The following ENTPD8 variants were observed in gnomAD, a reference collection of about 807,000 sequenced individuals.
The protein encoded by ENTPD8 is ectonucleoside triphosphate diphosphohydrolase 8.
ENTPD8 carries 35 observed loss-of-function variants against 47.0 expected under a neutral mutation model. The observed-to-expected ratio is 0.75, with a 90% CI of 0.57 to 0.99. The LOEUF is 0.99. Ranked by LOEUF, ENTPD8 falls within the 50% of genes least tolerant of loss-of-function variation. The pLI is 0.00. For missense variants in ENTPD8, 668 were observed against 649.9 expected (o/e 1.03, Z -0.30); for synonymous variants, 308 against 290.5 (o/e 1.06, Z -0.61).
Position 137,438,663 on chromosome 9 carries a change from C to T in ENTPD8, c.-20-358G>A, listed in dbSNP as rs945887107. Among the ~76,000 whole-genome samples the T allele has an allele frequency of 6.6e-6, 1 of 152,046 alleles. No individual in the cohort carries two copies. Among genetic ancestry groups the T allele is most frequent in the Non-Finnish European group, 1.5e-5 (1 of 67,952 alleles). The stretch of plus-strand genomic sequence containing the variant: ...AGACGGTCTCCCGTGGCCATAGAGG[C>T]ATCCCCGGGGCTCAGACGCCTCCCG... On this transcript the variant is annotated intron_variant, in intron 1 of 9. Coordinates refer to ENST00000371506, the MANE Select transcript of ENTPD8 (RefSeq NM_001033113.2). The surrounding 1 kb of genome is among the most constrained non-coding windows in gnomAD (Gnocchi z 5.7).
intron 1 of ENTPD8, among the ~76,000 whole-genome samples, chr9:137,439,917 AGTGCCCC>A (rs1839473788): frequency 1.1e-5 from 1 of 90,132 alleles, no homozygotes; most frequent in African/African-American, 4.6e-5. Flanking sequence ...AGACCAGGAC[AGTGCCCC>A]CAGACCAGGA....
In ENTPD8 at chr9:137,438,854, G is replaced by T. The variant is rs1243532750; in HGVS notation, c.-20-549C>A. ...CCCCTCGGATGGGACTCGCGGAGCT[G>T]CCCCCACCATGTGATGGGGCCACCC... On this transcript the variant is annotated intron_variant, in intron 1 of 9. Transcript: ENST00000371506. The surrounding 1 kb of genome is among the most constrained non-coding windows in gnomAD (Gnocchi z 5.7). Among the ~76,000 whole-genome samples, 1 of 152,004 alleles carries T rather than the reference G, an allele frequency of 6.6e-6. No homozygotes were observed. Among genetic ancestry groups the T allele is most frequent in the African/African-American group, 2.4e-5 (1 of 41,382 alleles).
In ENTPD8 at chr9:137,436,725, C is replaced by G; in HGVS notation, c.582G>C (p.Gln194His). Reference protein sequence around the residue: ...VKYSFTGEWIQPPEEMLVGAL... With the variant: ...VKYSFTGEWIHPPEEMLVGAL... ...CACCCACCAGCATCTCCTCCGGAGG[C>G]TGGATCCATTCTCCAGTGAAGGAGT... Residue 194 changes from glutamine (Q) to histidine (H), a missense_variant, in exon 6 of 10, where the codon CAG becomes CAC. By Grantham distance (24) the Gln-to-His change is conservative (BLOSUM62 0). Transcript: ENST00000371506. The G allele has an allele frequency of 6.2e-7, 1 of 1,601,956 alleles. No homozygotes were observed.
In ENTPD8 at chr9:137,436,208, G is replaced by GC; in HGVS notation, c.854dup (p.Leu287AlafsTer3). ...GGACACAGGGTGACTCATACAGCGG[G>GC]CCCAGGGCCAGTGTGGTCTGGTAGC... On this transcript the variant is annotated frameshift_variant, in exon 7 of 10. Transcript: ENST00000371506. LOFTEE classifies it high-confidence loss of function. 6.2e-7 allele frequency: 1 copy of GC among 1,612,178 alleles called. No individual in the cohort carries two copies. Among genetic ancestry groups the GC allele is most frequent in the Non-Finnish European group, 8.5e-7 (1 of 1,179,494 alleles).
chr9:137,438,392 C>A lies in ENTPD8; in HGVS notation c.-20-87G>T. On this transcript the variant is annotated intron_variant, in intron 1 of 9. Coordinates refer to ENST00000371506, the MANE Select transcript of ENTPD8 (RefSeq NM_001033113.2). This position sits in a 1 kb window ranked among gnomAD's most constrained non-coding sequence, Gnocchi z 5.7. ...GGCAGAGGCTTCGCTCCCCGTCTCC[C>A]TGGAGACGCACCCCTGGACAGCCAC... The A allele has an allele frequency of 1.5e-6, 2 of 1,365,742 alleles. No individual in the cohort carries two copies. Among genetic ancestry groups the A allele is most frequent in the Non-Finnish European group, 1.9e-6 (2 of 1,035,736 alleles). 84.6% of individuals were successfully genotyped at this position (1,365,742 alleles called of 1,614,324 possible). A position where few individuals can be genotyped will look rare whatever the true frequency, so the allele number is the denominator to read the frequency against.
Position 137,436,601 on chromosome 9 carries a change from C to A in ENTPD8, c.706G>T (p.Asp236Tyr), listed in dbSNP as rs780449144. 6.2e-7 allele frequency: 1 copy of A among 1,611,428 alleles called. No homozygotes were observed. Among genetic ancestry groups the A allele is most frequent in the Admixed American group, 1.7e-5 (1 of 59,778 alleles). The change falls in exon 6 of 10, where the codon GAC becomes TAC. Residue 236 changes from aspartate (D) to tyrosine (Y), a missense_variant. Asp to Tyr is a radical substitution (Grantham distance 160). Coordinates refer to ENST00000371506, the MANE Select transcript of ENTPD8 (RefSeq NM_001033113.2). ...TQADFRLYGSDYSVYTHSYLC... is the reference protein window; with the variant it reads ...TQADFRLYGSYYSVYTHSYLC... ...TAGCTGTGAGTGTAGACGCTGTAGT[C>A]GGAGCCGTAGAGGCGAAAATCGGCC...
Position 137,438,005 on chromosome 9 carries a change from G to A in ENTPD8, c.206C>T (p.Thr69Met), listed in dbSNP as rs371065621. The change falls in exon 3 of 10, where the codon ACG becomes ATG. Residue 69 changes from threonine to methionine, a missense_variant. Physicochemically the swap from Thr to Met is moderately conservative, Grantham distance 81 (BLOSUM62 -1). Transcript: ENST00000371506. This position sits in a 1 kb window ranked among gnomAD's most constrained non-coding sequence, Gnocchi z 5.7. ...GGCCAGGGCCTGGCTGACCACACCCGTGCCATTCTCCTTGTTCGCCAGCCA... is the reference window on the plus strand; with the variant it reads ...GGCCAGGGCCTGGCTGACCACACCCATGCCATTCTCCTTGTTCGCCAGCCA... ...YQWLANKENG[T>M]GVVSQALACQ... is the part of the protein sequence containing the mutation. The A allele has an allele frequency of 6.1e-5, 98 of 1,612,788 alleles. No individual in the cohort carries two copies. Among genetic ancestry groups the A allele is most frequent in the African/African-American group, 1.7e-4 (13 of 75,052 alleles).
chr9:137,439,712 G>C (rs1338126749), intron 1 of ENTPD8, among the ~76,000 whole-genome samples: 1 of 152,084 alleles, frequency 6.6e-6, no homozygotes, highest in Non-Finnish European at 1.5e-5. Flanking sequence ...ACAGGTGACA[G>C]GGGCCAGGAA....
chr9:137,436,663 A>G lies in ENTPD8; in HGVS notation c.644T>C (p.Phe215Ser), dbSNP rs755311774. The change falls in exon 6 of 10, where the codon TTC (phenylalanine) becomes TCC (serine). Residue 215 changes from phenylalanine to serine, a missense_variant. Phe to Ser is a radical substitution (Grantham distance 155). Coordinates refer to ENST00000371506, the MANE Select transcript of ENTPD8 (RefSeq NM_001033113.2). ...GTCCAAGATGGGGCCCCCAGGCACG[A>G]ACGTGATCTGGGTGGAGGCCCCTCC... is the stretch of plus-strand genomic sequence containing the variant. ...DMGGASTQITFVPGGPILDKS... is the reference protein window; with the variant it reads ...DMGGASTQITSVPGGPILDKS... The G allele has an allele frequency of 1.2e-6, 2 of 1,600,592 alleles. No individual in the cohort carries two copies. The highest frequency in any genetic ancestry group is 2.2e-5 in the South Asian group (2 of 89,450).
chr9:137,435,597 G>T, intron 8 of ENTPD8, 122 bp downstream of exon 8: 1 of 1,112,620 alleles, frequency 9.0e-7, no homozygotes. Context: ...GCTGTCCTCT[G>T]CCCTTGCCTC....
rs1275701360 is a variant in ENTPD8, at chr9:137,435,253, C to T, written c.1247G>A (p.Gly416Asp). The T allele has an allele frequency of 7.4e-6, 12 of 1,612,272 alleles. No individual in the cohort carries two copies. The highest frequency in any genetic ancestry group is 1.0e-5 in the Non-Finnish European group (12 of 1,179,874). ...CCAGGTCTCCTCGCTGAACCCGTAG[C>T]CCTCGTGCAGGAGGGTGAGGATGTA... The part of the protein sequence containing the change: ...GLYILTLLHE[G>D]YGFSEETWPS... The change falls in exon 9 of 10, where the codon GGC (glycine) becomes GAC (aspartate). Residue 416 changes from glycine to aspartate, a missense_variant. Coordinates refer to ENST00000371506, the MANE Select transcript of ENTPD8 (RefSeq NM_001033113.2).
rs143518789 is a variant in ENTPD8 at position 137,435,241 on chromosome 9, C to A, written c.1259G>T (p.Ser420Ile). ...CTCGAGGCTGGGCCAGGTCTCCTCG[C>A]TGAACCCGTAGCCCTCGTGCAGGAG... ...LTLLHEGYGF[S>I]EETWPSLEFR... Residue 420 changes from serine (S) to isoleucine (I), a missense_variant, in exon 9 of 10, where the codon AGC (serine) becomes ATC (isoleucine). Physicochemically the swap from Ser to Ile is moderately radical, Grantham distance 142. Coordinates refer to ENST00000371506, the MANE Select transcript of ENTPD8 (RefSeq NM_001033113.2). 49 of 1,612,304 alleles carry A rather than the reference C, an allele frequency of 3.0e-5. No individual in the cohort carries two copies. In the African/African-American group the frequency reaches 6.3e-4, roughly 21 times the overall value.
chr9:137,434,929 G>T lies in ENTPD8; in HGVS notation c.1473C>A (p.Phe491Leu). 1 of 1,610,744 alleles carries T rather than the reference G, an allele frequency of 6.2e-7. No homozygotes were observed. The change falls in exon 10 of 10, where the codon TTC becomes TTA. Residue 491 changes from phenylalanine to leucine, a missense_variant. Physicochemically the swap from Phe to Leu is conservative, Grantham distance 22. Transcript: ENST00000371506. The part of the protein sequence containing the change: ...AVVGAALVQL[F>L]WLQD ...CGCCTTCCCACTAGTCCTGCAACCA[G>T]AAGAGCTGGACCAAGGCAGCCCCCA...
chr9:137,437,919 G>A (rs1194537652), intron 3 of ENTPD8, 48 bp downstream of exon 3: 2 of 1,496,934 alleles, frequency 1.3e-6, no homozygotes, highest in African/African-American at 2.8e-5. Context: ...TCCCAGCCAG[G>A]CAGCAACAGG....
Position 137,437,291 on chromosome 9 carries a change from TAGG to T in ENTPD8, c.260_262del (p.Ser87del), listed in dbSNP as rs754741302. On this transcript the variant is annotated inframe_deletion, in exon 4 of 10. Coordinates refer to ENST00000371506, the MANE Select transcript of ENTPD8 (RefSeq NM_001033113.2). ...ACCAGCCTGTGCAGCATTAGAAGTG[TAGG>T]AGGAGATTCCAGGCCCTGGAACAGC... 4.3e-6 allele frequency: 7 copies of T among 1,611,644 alleles called. No homozygotes were observed. The highest frequency in any genetic ancestry group is 3.3e-5 in the Admixed American group (2 of 59,864).
In ENTPD8 at chr9:137,438,895, C is replaced by T. The variant is rs915933850; in HGVS notation, c.-20-590G>A. On this transcript the variant is annotated intron_variant, in intron 1 of 9. Coordinates refer to ENST00000371506, the MANE Select transcript of ENTPD8 (RefSeq NM_001033113.2). The surrounding 1 kb of genome is among the most constrained non-coding windows in gnomAD (Gnocchi z 5.7). ...GGGGCCACCCTGTGTCCCCACCCCT[C>T]GGTCCTGCCTCTCCCGTGCCACCCT... Among the ~76,000 whole-genome samples the T allele has an allele frequency of 5.9e-5, 9 of 152,020 alleles. No individual in the cohort carries two copies. The highest frequency in any genetic ancestry group is 2.1e-4 in the South Asian group (1 of 4,832).
In ENTPD8 at chr9:137,438,025, C is replaced by A. The variant is rs751603146; in HGVS notation, c.186G>T (p.Leu62=). ...SHTSLFLYQW[L]ANKENGTGVV... ...CACCCGTGCCATTCTCCTTGTTCGC[C>A]AGCCACTGATACAGGAAGAGGGACG... Residue 62 remains leucine (L), a synonymous_variant, in exon 3 of 10, where the codon CTG becomes CTT. Coordinates refer to ENST00000371506, the MANE Select transcript of ENTPD8 (RefSeq NM_001033113.2). The surrounding 1 kb of genome is among the most constrained non-coding windows in gnomAD (Gnocchi z 5.7). The A allele has an allele frequency of 2.5e-6, 4 of 1,612,864 alleles. No homozygotes were observed. Among genetic ancestry groups the A allele is most frequent in the African/African-American group, 2.7e-5 (2 of 74,938 alleles).
intron 7 of ENTPD8, 43 bp from the exon 8 acceptor site, chr9:137,435,872 C>T: frequency 1.2e-6 from 2 of 1,608,424 alleles, no homozygotes; most frequent in Non-Finnish European, 1.7e-6. Context: ...TGTGGCCACG[C>T]TGGGCCAGAT....
Position 137,438,118 on chromosome 9 carries a change from C to A in ENTPD8, c.127-34G>T, listed in dbSNP as rs1435321114. 1 of 1,610,722 alleles carries A rather than the reference C, an allele frequency of 6.2e-7. No homozygotes were observed. The highest frequency in any genetic ancestry group is 1.3e-5 in the African/African-American group (1 of 74,892). On this transcript the variant is annotated intron_variant, in intron 2 of 9. Coordinates refer to ENST00000371506, the MANE Select transcript of ENTPD8 (RefSeq NM_001033113.2). This position sits in a 1 kb window ranked among gnomAD's most constrained non-coding sequence, Gnocchi z 5.7. ...ACAGTGGGATGAGTGGGAGGCAACA[C>A]CTGTGGACCCGGCCCGGCCTCCCCT... is the stretch of plus-strand genomic sequence containing the variant.
Sources: allele counts gnomAD v4.1 joint callset (sites outside exome capture counted in the v4.1 genomes callset), GRCh38; gene constraint gnomAD v4.1.1; non-coding constraint Gnocchi (gnomAD v3.1); transcripts MANE v1.5; gene names NCBI Gene and HGNC (gene_info 2026-07-23, HGNC 2026-07-21).